Variants in FLOT2 observed in about 807,000 individuals in gnomAD.
FLOT2 encodes flotillin 2.
FLOT2 carries 35 observed loss-of-function variants against 54.9 expected under a neutral mutation model. The ratio of observed to expected loss-of-function variants is 0.64; its 90% CI spans 0.49 to 0.84. The LOEUF is 0.84. Ranked by LOEUF, FLOT2 falls within the 40% of genes least tolerant of loss-of-function variation. FLOT2 has a pLI of 0.00. For missense variants in FLOT2, 464 were observed against 572.1 expected, an observed-to-expected ratio of 0.81 and a Z score of 1.93; for synonymous variants, 207 against 228.9, an observed-to-expected ratio of 0.90 and a Z score of 0.86.
chr17:28,893,724 T>C (rs1475061344), intron 1 of FLOT2, among the ~76,000 whole-genome samples: 1 of 152,250 alleles, frequency 6.6e-6, no homozygotes, highest in Admixed American at 6.5e-5. Flanking sequence ...CTGCCTGGCC[T>C]AAACCTAGTA....
intron 2 of FLOT2, among the ~76,000 whole-genome samples, chr17:28,886,250 G>A (rs2039544957): frequency 6.6e-6 from 1 of 152,240 alleles, no homozygotes; most frequent in Non-Finnish European, 1.5e-5. Flanking sequence ...CTGAGGTCAG[G>A]AGGCTTGTGC....
chr17:28,886,062 G>T, intron 2 of FLOT2: 3 of 619,292 alleles, frequency 4.8e-6, no homozygotes, highest in East Asian at 5.8e-5. Context: ...TGGGGGCGGG[G>T]GGGGGCATGC....
chr17:28,886,150 G>A (rs1300451405), intron 2 of FLOT2: 2 of 614,318 alleles, frequency 3.3e-6, no homozygotes, highest in African/African-American at 3.7e-5. Context: ...CTGATCCGAG[G>A]CCTCTGGGTC....
rs2039493925 is a variant in FLOT2 at position 28,883,632 on chromosome 17, G to C, written c.223-401C>G. On this transcript the variant is annotated intron_variant, in intron 3 of 10. Coordinates refer to ENST00000394908, the MANE Select transcript of FLOT2 (RefSeq NM_004475.3). The surrounding 1 kb of genome is among the most constrained non-coding windows in gnomAD (Gnocchi z 5.0). ...CACAGACAGAGAAGGAAAGAGCCTG[G>C]ACAGGGCAGGAGAGGGTTGGGGGAT... Among the ~76,000 whole-genome samples, 1 of 152,212 alleles carries C rather than the reference G, an allele frequency of 6.6e-6. No homozygotes were observed. Among genetic ancestry groups the C allele is most frequent in the Non-Finnish European group, 1.5e-5 (1 of 68,034 alleles).
chr17:28,893,201 ACTCGT>A (rs1225976469), intron 1 of FLOT2: 3 of 151,724 alleles, frequency 2.0e-5, no homozygotes, highest in African/African-American at 7.3e-5. Context: ...CCTAACTCTT[ACTCGT>A]CTCAAGACCT....
chr17:28,884,175 C>T lies in FLOT2; in HGVS notation c.222+50G>A, dbSNP rs375260312. On this transcript the variant is annotated intron_variant, in intron 3 of 10. Coordinates refer to ENST00000394908, the MANE Select transcript of FLOT2 (RefSeq NM_004475.3). This position sits in a 1 kb window ranked among gnomAD's most constrained non-coding sequence, Gnocchi z 5.1. ...CTCCTCCTCCCCCCGAACCCGAGTA[C>T]GGGACCAGGCAGCTCAACGGACATG... The T allele has an allele frequency of 3.9e-5, 54 of 1,381,178 alleles. No homozygotes were observed. Among genetic ancestry groups the T allele is most frequent in the African/African-American group, 7.1e-5 (5 of 70,376 alleles). The allele number at this position is 1,381,178 out of a possible 1,614,324, so 85.6% of individuals were successfully genotyped here. A position where few individuals can be genotyped will look rare whatever the true frequency, so the allele number is the denominator to read the frequency against.
chr17:28,882,338 C>T lies in FLOT2; in HGVS notation c.578G>A (p.Arg193Gln), dbSNP rs879730539. 4.3e-6 allele frequency: 7 copies of T among 1,613,792 alleles called. No individual in the cohort carries two copies. Among genetic ancestry groups the T allele is most frequent in the East Asian group, 2.2e-5 (1 of 44,888 alleles). The change falls in exon 6 of 11, where the codon CGG (arginine) becomes CAG (glutamine). Residue 193 changes from arginine (R) to glutamine (Q), a missense_variant and splice_region_variant. Physicochemically the swap from Arg to Gln is conservative, Grantham distance 43. Transcript: ENST00000394908. The surrounding 1 kb of genome is among the most constrained non-coding windows in gnomAD (Gnocchi z 5.6). ...CTTCCCATCCTTGAACCCACATACC[C>T]GGATGCCTGCGTCCCGTTCAGCCTC... is the stretch of plus-strand genomic sequence containing the variant. ...VAEAERDAGI[R>Q]EAECKKEMLD...
chr17:28,882,687 G>T lies in FLOT2; in HGVS notation c.351C>A (p.Thr117=). Residue 117 remains threonine (T), a synonymous_variant, in exon 5 of 11, where the codon ACC becomes ACA. Coordinates refer to ENST00000394908, the MANE Select transcript of FLOT2 (RefSeq NM_004475.3). This position sits in a 1 kb window ranked among gnomAD's most constrained non-coding sequence, Gnocchi z 5.6. ...LEGHLRSILG[T]LTVEQIYQDR... The stretch of plus-strand genomic sequence containing the variant: ...CCTGATAAATCTGCTCCACTGTCAG[G>T]GTCCCTGGGGGCAGAGGGATCAAGG... 2 of 1,608,420 alleles carry T rather than the reference G, an allele frequency of 1.2e-6. No homozygotes were observed. The highest frequency in any genetic ancestry group is 1.7e-6 in the Non-Finnish European group (2 of 1,175,344).
In FLOT2 at chr17:28,880,758, C is replaced by T. The variant is rs2039433024; in HGVS notation, c.1203G>A (p.Glu401=). The T allele has an allele frequency of 6.2e-7, 1 of 1,614,246 alleles. No homozygotes were observed. The highest frequency in any genetic ancestry group is 8.5e-7 in the Non-Finnish European group (1 of 1,180,046). Residue 401 remains glutamate, a synonymous_variant, in exon 10 of 11, where the codon GAG becomes GAA. Coordinates refer to ENST00000394908, the MANE Select transcript of FLOT2 (RefSeq NM_004475.3). ...TGAGGGCATGCACAGAGGCAGGCAG[C>T]TCGGCCAGCAGTCGGTTCACTTCTG... ...VTSEVNRLLA[E]LPASVHALTG...
rs750153123 is a variant in FLOT2 at position 28,888,874 on chromosome 17, C to G, written c.131+71G>C. 37 of 1,158,588 alleles carry G rather than the reference C, an allele frequency of 3.2e-5. No individual in the cohort carries two copies. The Middle Eastern group carries it at 2.4e-3, about 76-fold the overall frequency. The allele number at this position is 1,158,588 out of a possible 1,614,324, so 71.8% of individuals were successfully genotyped here. A position where few individuals can be genotyped will look rare whatever the true frequency, so the allele number is the denominator to read the frequency against. On this transcript the variant is annotated intron_variant, in intron 2 of 10. Transcript: ENST00000394908. ...GCTCTAGCTGACCCTCAGAGTGAAG[C>G]AGAACAATGCTGGAAGCCCCTCTCT...
At position 28,881,946 on chromosome 17, in the gene FLOT2, AC is replaced by A; in HGVS notation, c.781del (p.Val261LeufsTer46). ...KIRQEEIEIEVVQRKKQIAVE... is the reference protein window; with the variant it reads ...KIRQEEIEIEXVQRKKQIAVE... ...GGCAATCTGTTTCTTGCGCTGCACA[AC>A]CTCAATCTCAATCTCTTCCTGCCGG... On this transcript the variant is annotated frameshift_variant, in exon 8 of 11. Coordinates refer to ENST00000394908, the MANE Select transcript of FLOT2 (RefSeq NM_004475.3). LOFTEE classifies it high-confidence loss of function. 2 of 1,613,962 alleles carry A rather than the reference AC, an allele frequency of 1.2e-6. No homozygotes were observed. The highest frequency in any genetic ancestry group is 1.7e-6 in the Non-Finnish European group (2 of 1,180,010).
Position 28,882,489 on chromosome 17 carries a change from G to T in FLOT2, c.466-39C>A. On this transcript the variant is annotated intron_variant, in intron 5 of 10. Transcript: ENST00000394908. This position sits in a 1 kb window ranked among gnomAD's most constrained non-coding sequence, Gnocchi z 5.6. ...GGGGTATCAGAGGCTCAAAGGAGCA[G>T]CCAGAGGCACAAAGGTGCCCCTCTA... 2 of 1,599,338 alleles carry T rather than the reference G, an allele frequency of 1.3e-6. No homozygotes were observed. The highest frequency in any genetic ancestry group is 1.1e-5 in the South Asian group (1 of 90,782).
In FLOT2 at chr17:28,884,164, G is replaced by T; in HGVS notation, c.222+61C>A. The T allele has an allele frequency of 1.6e-6, 2 of 1,284,324 alleles. No individual in the cohort carries two copies. Among genetic ancestry groups the T allele is most frequent in the Non-Finnish European group, 2.3e-6 (2 of 881,448 alleles). The allele number at this position is 1,284,324 out of a possible 1,614,324, so 79.6% of individuals were successfully genotyped here. A position where few individuals can be genotyped will look rare whatever the true frequency, so the allele number is the denominator to read the frequency against. ...GCTGCTGTCCTCTCCTCCTCCCCCC[G>T]AACCCGAGTACGGGACCAGGCAGCT... On this transcript the variant is annotated intron_variant, in intron 3 of 10. Coordinates refer to ENST00000394908, the MANE Select transcript of FLOT2 (RefSeq NM_004475.3). This position sits in a 1 kb window ranked among gnomAD's most constrained non-coding sequence, Gnocchi z 5.1.
intron 2 of FLOT2, chr17:28,885,737 A>G: frequency 1.4e-6 from 1 of 734,746 alleles, no homozygotes; most frequent in Non-Finnish European, 2.5e-6. Flanking sequence ...GAGGAGAGAA[A>G]AGAGGAGAGG....
Position 28,897,411 on chromosome 17 carries a change from C to G in FLOT2, c.49+115G>C. On this transcript the variant is annotated intron_variant, in intron 1 of 10. Transcript: ENST00000394908. This position sits in a 1 kb window ranked among gnomAD's most constrained non-coding sequence, Gnocchi z 4.4. ...AGGGGCCTCAGGTGCGGCCCGGGGG[C>G]CAGCGCCCTGCGCCGCGCGGTGGAC... 1.9e-6 allele frequency: 2 copies of G among 1,029,152 alleles called. No homozygotes were observed. The highest frequency in any genetic ancestry group is 2.8e-6 in the Non-Finnish European group (2 of 717,334). 63.8% of individuals were successfully genotyped at this position (1,029,152 alleles called of 1,614,324 possible). A position where few individuals can be genotyped will look rare whatever the true frequency, so the allele number is the denominator to read the frequency against.
At position 28,883,027 on chromosome 17, in the gene FLOT2, G is replaced by T. The variant is rs1371144935; in HGVS notation, c.346+81C>A. The T allele has an allele frequency of 2.1e-6, 3 of 1,423,524 alleles. No homozygotes were observed. The highest frequency in any genetic ancestry group is 2.3e-5 in the East Asian group (1 of 43,584). 88.2% of individuals were successfully genotyped at this position (1,423,524 alleles called of 1,614,324 possible). ...TTAGCTTGAAACTCCTGTGAAACAGGCCCCCTGCCCAGCCCTGCACACCTC... is the reference window on the plus strand; with the variant it reads ...TTAGCTTGAAACTCCTGTGAAACAGTCCCCCTGCCCAGCCCTGCACACCTC... On this transcript the variant is annotated intron_variant, in intron 4 of 10. Transcript: ENST00000394908. This position sits in a 1 kb window ranked among gnomAD's most constrained non-coding sequence, Gnocchi z 5.0.
At position 28,897,647 on chromosome 17, in the gene FLOT2, G is replaced by GCGCCCAGCCTATCCCGCCACCCC; in HGVS notation, c.-96_-74dup. On this transcript the variant is annotated 5_prime_UTR_variant, in exon 1 of 11. Transcript: ENST00000394908. This position sits in a 1 kb window ranked among gnomAD's most constrained non-coding sequence, Gnocchi z 4.4. ...CAGCAGCGGGTCTGCAGCGCCGGCC[G>GCGCCCAGCCTATCCCGCCACCCC]CGCCCAGCCTATCCCGCCACCCCCA... 7 of 1,285,350 alleles carry GCGCCCAGCCTATCCCGCCACCCC rather than the reference G, an allele frequency of 5.4e-6. No individual in the cohort carries two copies. Among genetic ancestry groups the GCGCCCAGCCTATCCCGCCACCCC allele is most frequent in the South Asian group, 4.2e-5 (2 of 47,104 alleles). The allele number at this position is 1,285,350 out of a possible 1,614,324, so 79.6% of individuals were successfully genotyped here.
rs1185151786 is a variant in FLOT2, at chr17:28,880,816, A to G, written c.1145T>C (p.Val382Ala). The G allele has an allele frequency of 6.2e-7, 1 of 1,614,146 alleles. No individual in the cohort carries two copies. The highest frequency in any genetic ancestry group is 1.6e-4 in the Middle Eastern group (1 of 6,062). ...AAPLTKVDEI[V>A]VLSGDNSKVT... Reference sequence around the variant, plus strand: ...CTTACTGTTGTCTCCACTGAGGACCACAATCTCATCGACCTTGGTAAGTGG... The same window carrying G: ...CTTACTGTTGTCTCCACTGAGGACCGCAATCTCATCGACCTTGGTAAGTGG... Residue 382 changes from valine (V) to alanine (A), a missense_variant, in exon 10 of 11, where the codon GTG becomes GCG. By Grantham distance (64) the Val-to-Ala change is moderately conservative (BLOSUM62 0). Coordinates refer to ENST00000394908, the MANE Select transcript of FLOT2 (RefSeq NM_004475.3).
chr17:28,892,969 T>A (rs2152650225), intron 1 of FLOT2: 1 of 152,356 alleles, frequency 6.6e-6, no homozygotes, highest in African/African-American at 2.4e-5. Flanking sequence ...ACCTTTAACT[T>A]ATTCTTTGGC....
Sources: gnomAD v4.1 joint callset for allele counts (sites outside exome capture counted in the v4.1 genomes callset) on GRCh38, gnomAD v4.1.1 for gene constraint, Gnocchi (gnomAD v3.1) non-coding constraint, MANE v1.5 for transcripts, NCBI Gene and HGNC (gene_info 2026-07-23, HGNC 2026-07-21) for gene names.